The following PARD3B variants were observed in gnomAD, a reference collection of about 807,000 sequenced individuals.
PARD3B encodes the protein partitioning defective 3 homolog B.
A neutral mutation model predicts 130.2 loss-of-function variants in PARD3B; 103 were observed. That is an observed-to-expected ratio of 0.79 (90% CI 0.67 to 0.93). PARD3B has a LOEUF of 0.93. PARD3B is among the 40% of genes least tolerant of loss of function. PARD3B has a pLI of 0.00. For synonymous variants in PARD3B, 583 were observed against 553.2 expected (o/e 1.05, Z -0.76); for missense variants, 1,609 against 1,499.2 (o/e 1.07, Z -1.21).
In PARD3B at chr2:205,590,535, G is replaced by T. The variant is rs2054350467; in HGVS notation, c.3261-24921G>T. 6.6e-6 allele frequency among the ~76,000 whole-genome samples: 1 copy of T among 152,174 alleles called. No homozygotes were observed. The highest frequency in any genetic ancestry group is 2.1e-4 in the South Asian group (1 of 4,832). On this transcript the variant is annotated intron_variant, in intron 22 of 22. Coordinates refer to ENST00000406610, the MANE Select transcript of PARD3B (RefSeq NM_001302769.2). The surrounding 1 kb of genome is among the most constrained non-coding windows in gnomAD (Gnocchi z 4.1). ...GGGGATGGAACGTTCTGATGATCCA[G>T]GCCTGGGTCACATGCCCCTCTGGAG... is the stretch of plus-strand genomic sequence containing the variant.
intron 19 of PARD3B, among the ~76,000 whole-genome samples, chr2:205,401,694 A>G (rs2046258148): frequency 6.6e-6 from 1 of 152,130 alleles, no homozygotes; most frequent in Admixed American, 6.6e-5. Flanking sequence ...TGAGGAGCTT[A>G]ATGTTCCATT....
rs563959530 is a variant in PARD3B at position 205,230,932 on chromosome 2, G to T, written c.2141-14846G>T. 9.2e-5 allele frequency among the ~76,000 whole-genome samples: 14 copies of T among 152,124 alleles called. No homozygotes were observed. In the South Asian group the frequency reaches 2.7e-3, roughly 29 times the overall value. ...AGGGTGGAAAGCACTGAGTTCCAGTGCAAAGTCTCCAATCACTATGCTCTC... is the reference window on the plus strand; with the variant it reads ...AGGGTGGAAAGCACTGAGTTCCAGTTCAAAGTCTCCAATCACTATGCTCTC... On this transcript the variant is annotated intron_variant, in intron 15 of 22. Transcript: ENST00000406610. This position sits in a 1 kb window ranked among gnomAD's most constrained non-coding sequence, Gnocchi z 4.1.
rs367641895 is a variant in PARD3B at position 204,689,491 on chromosome 2, C to G, written c.222+3209C>G. Among the ~76,000 whole-genome samples, 3 of 152,200 alleles carry G rather than the reference C, an allele frequency of 2.0e-5. No homozygotes were observed. The highest frequency in any genetic ancestry group is 7.2e-5 in the African/African-American group (3 of 41,548). ...TTATTCTCAAGATTCTTCAGTTTGT[C>G]TATCAGTCTGATGATTCGAGTTCTT... On this transcript the variant is annotated intron_variant, in intron 2 of 22. Coordinates refer to ENST00000406610, the MANE Select transcript of PARD3B (RefSeq NM_001302769.2). The surrounding 1 kb of genome is among the most constrained non-coding windows in gnomAD (Gnocchi z 5.2).
intron 4 of PARD3B, among the ~76,000 whole-genome samples, chr2:205,081,801 T>A (rs545733167): frequency 1.4e-4 from 21 of 152,132 alleles, no homozygotes; most frequent in Admixed American, 4.6e-4. Flanking sequence ...GATTAAATAT[T>A]TTTGCCTCTC....
At chr2:205,098,745 A>G (rs1271807271) in intron 4 of PARD3B, among the ~76,000 whole-genome samples, 2 of 152,140 alleles carry the variant, frequency 1.3e-5, no homozygotes, top group African/African-American at 4.8e-5. Context: ...GGCCCCTTTC[A>G]TCCAGCCTGT....
chr2:204,685,389 G>A (rs908507911), intron 1 of PARD3B, among the ~76,000 whole-genome samples: 5 of 152,052 alleles, frequency 3.3e-5, no homozygotes, highest in Non-Finnish European at 7.4e-5. Context: ...TTGTCCCATC[G>A]CTATAATGGT....
intron 2 of PARD3B, among the ~76,000 whole-genome samples, chr2:204,954,403 A>G (rs1395255045): frequency 6.6e-6 from 1 of 152,174 alleles, no homozygotes; most frequent in Non-Finnish European, 1.5e-5. Context: ...AGCTGTCATG[A>G]AATGCTGGAG....
chr2:205,383,121 T>TAGATAGATAGAG (rs1553500394), intron 18 of PARD3B, among the ~76,000 whole-genome samples: 108 of 150,856 alleles, frequency 7.2e-4, no homozygotes, highest in Non-Finnish European at 1.3e-3. Flanking sequence ...GATAGATAGA[T>TAGATAGATAGAG]AGATAGATAG....
intron 2 of PARD3B, among the ~76,000 whole-genome samples, chr2:204,809,148 T>TTAAG (rs1228789481): frequency 6.6e-6 from 1 of 152,166 alleles, no homozygotes; most frequent in Non-Finnish European, 1.5e-5. Flanking sequence ...GTAAATTTGT[T>TTAAG]TAAGTTCCTC....
intron 1 of PARD3B, among the ~76,000 whole-genome samples, chr2:204,648,730 A>G (rs1370773093): frequency 3.4e-5 from 2 of 58,634 alleles, no homozygotes; most frequent in African/African-American, 8.1e-5. Context: ...TTTATAATAG[A>G]TATCATATAA....
intron 10 of PARD3B, among the ~76,000 whole-genome samples, chr2:205,155,852 G>T (rs904304480): frequency 7.9e-5 from 12 of 152,178 alleles, no homozygotes; most frequent in African/African-American, 2.4e-4. Flanking sequence ...CTTCCTTTGA[G>T]AAGTGTCTGT....
chr2:205,413,347 A>G (rs950305670), intron 19 of PARD3B, among the ~76,000 whole-genome samples: 3 of 151,856 alleles, frequency 2.0e-5, no homozygotes, highest in African/African-American at 7.3e-5. Context: ...CTCCCTTACT[A>G]CCTCACCATT....
intron 21 of PARD3B, among the ~76,000 whole-genome samples, chr2:205,502,115 C>A (rs149828292): frequency 3.9e-5 from 6 of 152,162 alleles, no homozygotes; most frequent in Middle Eastern, 3.2e-3. Flanking sequence ...CCTCTCCCCA[C>A]GCCAAGGAAA....
At chr2:204,982,572 AG>A (rs1322077491) in intron 3 of PARD3B, among the ~76,000 whole-genome samples, 17 of 152,234 alleles carry the variant, frequency 1.1e-4, no homozygotes, top group African/African-American at 4.1e-4. Context: ...ATTGCTTTGC[AG>A]CATCGTGAAA....
Position 205,125,602 on chromosome 2 carries a change from T to G in PARD3B, c.1306-7T>G. On this transcript the variant is annotated splice_polypyrimidine_tract_variant and splice_region_variant and intron_variant, in intron 9 of 22. Transcript: ENST00000406610. This position sits in a 1 kb window ranked among gnomAD's most constrained non-coding sequence, Gnocchi z 4.0. ...ATTGTGGCTGTTCATATGCTTTTAT[T>G]CATTAGGTAAATGGGAGAGATGTCA... 6.2e-7 allele frequency: 1 copy of G among 1,613,716 alleles called. No homozygotes were observed. The highest frequency in any genetic ancestry group is 1.1e-5 in the South Asian group (1 of 91,004).
chr2:204,847,165 T>A (rs557402054), intron 2 of PARD3B, among the ~76,000 whole-genome samples: 24 of 141,352 alleles, frequency 1.7e-4, no homozygotes, highest in East Asian at 3.9e-4. Context: ...TCTGTAACTT[T>A]CTTTCTTTTT....
Position 205,309,116 on chromosome 2 carries a change from A to G in PARD3B, c.2630+7415A>G, listed in dbSNP as rs890420679. Among the ~76,000 whole-genome samples, 1 of 152,072 alleles carries G rather than the reference A, an allele frequency of 6.6e-6. No homozygotes were observed. The highest frequency in any genetic ancestry group is 2.4e-5 in the African/African-American group (1 of 41,388). On this transcript the variant is annotated intron_variant, in intron 18 of 22. Coordinates refer to ENST00000406610, the MANE Select transcript of PARD3B (RefSeq NM_001302769.2). This position sits in a 1 kb window ranked among gnomAD's most constrained non-coding sequence, Gnocchi z 4.7. Reference sequence around the variant, plus strand: ...ATATGGGAAGGTTATTTTTAAACCAACTCCACATAGAGCTATAACAAAAAA... The same window carrying G: ...ATATGGGAAGGTTATTTTTAAACCAGCTCCACATAGAGCTATAACAAAAAA...
At chr2:205,385,195 ACCAAAT>A (rs2045618896) in intron 18 of PARD3B, among the ~76,000 whole-genome samples, 1 of 152,132 alleles carries the variant, frequency 6.6e-6, no homozygotes, top group Non-Finnish European at 1.5e-5. Flanking sequence ...CTAATAAATT[ACCAAAT>A]TCAAGTGAGT....
At chr2:204,745,499 T>A (rs2040182088) in intron 2 of PARD3B, among the ~76,000 whole-genome samples, 1 of 151,918 alleles carries the variant, frequency 6.6e-6, no homozygotes, top group Non-Finnish European at 1.5e-5. Context: ...ACCTCCCGGA[T>A]TCAAGTGATT....
Sources: gnomAD v4.1 joint callset for allele counts (sites outside exome capture counted in the v4.1 genomes callset) on GRCh38, gnomAD v4.1.1 for gene constraint, Gnocchi (gnomAD v3.1) non-coding constraint, MANE v1.5 for transcripts, NCBI Gene and HGNC (gene_info 2026-07-23, HGNC 2026-07-21) for gene names.